The following THSD7B variants were observed in gnomAD, a reference collection of about 807,000 sequenced individuals.
THSD7B encodes the protein thrombospondin type 1 domain containing 7B.
Under a neutral mutation model 213.6 loss-of-function variants are expected in THSD7B, and 138 were observed. The ratio of observed to expected loss-of-function variants is 0.65; its 90% confidence interval spans 0.56 to 0.74. The LOEUF is 0.74. Ranked by LOEUF, THSD7B falls within the 30% of genes least tolerant of loss-of-function variation. The probability of loss-of-function intolerance (pLI) is 0.00; values close to 1 mark genes in which losing one functional copy is unlikely to be tolerated. For missense variants in THSD7B, 1,931 were observed against 1,991.5 expected, an observed-to-expected ratio of 0.97 and a Z score of 0.58; for synonymous variants, 742 against 687.0, an observed-to-expected ratio of 1.08 and a Z score of -1.25.
chr2:137,381,750 G>C (rs1366388451), intron 12 of THSD7B, among the ~76,000 whole-genome samples: 1 of 152,216 alleles, frequency 6.6e-6, no homozygotes, highest in Admixed American at 6.5e-5. Flanking sequence ...TGTGGAGACA[G>C]TTGTCTTTGG....
At chr2:137,279,234 T>C (rs1682940169) in intron 12 of THSD7B, among the ~76,000 whole-genome samples, 1 of 152,086 alleles carries the variant, frequency 6.6e-6, no homozygotes, top group African/African-American at 2.4e-5. Flanking sequence ...TTGGTAAAAA[T>C]ATATTTTTTA....
At chr2:137,514,356 T>A (rs1680027383) in intron 15 of THSD7B, among the ~76,000 whole-genome samples, 1 of 152,160 alleles carries the variant, frequency 6.6e-6, no homozygotes, top group Non-Finnish European at 1.5e-5. Context: ...GAGATTAAAC[T>A]GGCTTAGCCT....
chr2:137,609,703 T>TC (rs1190290242), intron 17 of THSD7B, among the ~76,000 whole-genome samples: 4 of 152,024 alleles, frequency 2.6e-5, no homozygotes, highest in Non-Finnish European at 4.4e-5. Flanking sequence ...CATTTAAGGG[T>TC]ATGGAAGAGA....
At chr2:137,136,145 C>G (rs927067419) in intron 5 of THSD7B, among the ~76,000 whole-genome samples, 1 of 151,976 alleles carries the variant, frequency 6.6e-6, no homozygotes, top group African/African-American at 2.4e-5. Flanking sequence ...CCAGGGCCTG[C>G]TGGGGGGTGA....
At chr2:137,608,114 G>T (rs1287825336) in intron 17 of THSD7B, among the ~76,000 whole-genome samples, 1 of 152,148 alleles carries the variant, frequency 6.6e-6, no homozygotes, top group Non-Finnish European at 1.5e-5. Context: ...GACAAGCCAG[G>T]CCCCTAGACT....
intron 22 of THSD7B, among the ~76,000 whole-genome samples, chr2:137,656,542 A>G (rs1028910404): frequency 6.6e-6 from 1 of 152,212 alleles, no homozygotes; most frequent in Non-Finnish European, 1.5e-5. Context: ...AATATTTTCT[A>G]GATGTGACTA....
At position 137,427,449 on chromosome 2, in the gene THSD7B, G is replaced by A. The variant is rs538167588; in HGVS notation, c.2959+15577G>A. On this transcript the variant is annotated intron_variant, in intron 14 of 27. Transcript: ENST00000409968. Reference sequence around the variant, plus strand: ...GGATACAATAAATAAATTATGGTGTGTGGGGTATGTGCTTGTGTGTCTGTG... The same window carrying A: ...GGATACAATAAATAAATTATGGTGTATGGGGTATGTGCTTGTGTGTCTGTG... Among the ~76,000 whole-genome samples the A allele has an allele frequency of 1.1e-4, 16 of 152,004 alleles. No homozygotes were observed. In the South Asian group the frequency reaches 2.9e-3, roughly 28 times the overall value.
chr2:136,943,571 T>A (rs998146640), intron 2 of THSD7B, among the ~76,000 whole-genome samples: 3 of 152,220 alleles, frequency 2.0e-5, no homozygotes, highest in African/African-American at 7.2e-5. Context: ...CTGTTATTGG[T>A]CTATTCAGAG....
intron 1 of THSD7B, among the ~76,000 whole-genome samples, chr2:136,833,250 A>G (rs1682785799): frequency 6.6e-6 from 1 of 150,506 alleles, no homozygotes; most frequent in African/African-American, 2.4e-5. Flanking sequence ...CTGTAGTCCC[A>G]GCTACTCGGG....
chr2:137,029,566 G>A (rs1316557200), intron 2 of THSD7B, among the ~76,000 whole-genome samples: 2 of 152,050 alleles, frequency 1.3e-5, no homozygotes, highest in Non-Finnish European at 2.9e-5. Context: ...ATCTCCTGAG[G>A]ATAATCTGAA....
chr2:137,646,146 C>T (rs896169003), intron 21 of THSD7B, among the ~76,000 whole-genome samples: 3 of 152,158 alleles, frequency 2.0e-5, no homozygotes, highest in Admixed American at 6.5e-5. Context: ...TGTGCCTCCT[C>T]CTCCAAACTC....
chr2:137,374,053 T>A (rs573501950), intron 12 of THSD7B, among the ~76,000 whole-genome samples: 50 of 152,232 alleles, frequency 3.3e-4, no homozygotes, highest in Admixed American at 1.0e-3. Flanking sequence ...GTTCCATTGA[T>A]CTATATCTCT....
intron 7 of THSD7B, among the ~76,000 whole-genome samples, chr2:137,225,834 G>A (rs1681485564): frequency 6.8e-6 from 1 of 147,252 alleles, no homozygotes; most frequent in African/African-American, 2.4e-5. Context: ...TCTGAAATTA[G>A]CAAGCAGAGA....
intron 5 of THSD7B, among the ~76,000 whole-genome samples, chr2:137,140,422 T>C (rs1679557852): frequency 6.6e-6 from 1 of 152,178 alleles, no homozygotes; most frequent in Admixed American, 6.5e-5. Flanking sequence ...TGTTCAAATG[T>C]CAATATTTTA....
chr2:137,559,888 C>T (rs1328593590), intron 15 of THSD7B, among the ~76,000 whole-genome samples: 1 of 151,962 alleles, frequency 6.6e-6, no homozygotes, highest in Non-Finnish European at 1.5e-5. Flanking sequence ...GCCCCATCAA[C>T]AAGTGGGTGA....
chr2:137,565,025 G>A (rs1357474356), intron 16 of THSD7B, among the ~76,000 whole-genome samples: 2 of 152,064 alleles, frequency 1.3e-5, no homozygotes, highest in Admixed American at 1.3e-4. Context: ...GGCCTTATAA[G>A]AAGAGAAGAC....
rs574552246 is a variant in THSD7B at position 137,040,666 on chromosome 2, T to G, written c.140-15754T>G. ...CCTTGGCATCCCAAAATGCTGGGATTACAGGAATGAGCCACCGCGCTCAGC... is the reference window on the plus strand; with the variant it reads ...CCTTGGCATCCCAAAATGCTGGGATGACAGGAATGAGCCACCGCGCTCAGC... On this transcript the variant is annotated intron_variant, in intron 2 of 27. Transcript: ENST00000409968. 6.6e-5 allele frequency among the ~76,000 whole-genome samples: 10 copies of G among 152,260 alleles called. 1 individual carries two copies. In the South Asian group the frequency reaches 2.1e-3, roughly 32 times the overall value.
intron 15 of THSD7B, among the ~76,000 whole-genome samples, chr2:137,472,473 A>G (rs1356215843): frequency 2.0e-5 from 3 of 152,220 alleles, no homozygotes; most frequent in East Asian, 1.9e-4. Flanking sequence ...ATGAAAAATA[A>G]CTATGTATTT....
intron 15 of THSD7B, among the ~76,000 whole-genome samples, chr2:137,492,922 T>A (rs1007904167): frequency 4.0e-5 from 6 of 151,330 alleles, no homozygotes; most frequent in African/African-American, 1.5e-4. Flanking sequence ...AGATTCAAGA[T>A]CAGCCTGGCC....
Sources: gnomAD v4.1 joint callset for allele counts (sites outside exome capture counted in the v4.1 genomes callset) on GRCh38, gnomAD v4.1.1 for gene constraint, MANE v1.5 for transcripts, NCBI Gene and HGNC (gene_info 2026-07-23, HGNC 2026-07-21) for gene names.